The following LMLN variants were observed in gnomAD, a reference collection of about 807,000 sequenced individuals.
The protein encoded by LMLN is leishmanolysin like peptidase.
Under a neutral mutation model 92.3 loss-of-function variants are expected in LMLN, and 70 were observed. The ratio of observed to expected loss-of-function variants is 0.76; its 90% CI spans 0.63 to 0.92. The LOEUF is 0.92. LMLN is among the 40% of genes least tolerant of loss of function. The pLI, the probability that LMLN is intolerant of heterozygous loss-of-function variation, is 0.00. For synonymous variants in LMLN, 308 were observed against 296.2 expected (o/e 1.04, Z -0.41); for missense variants, 691 against 814.6 (o/e 0.85, Z 1.85).
Position 197,970,839 on chromosome 3 carries a change from C to A in LMLN, c.220-3538C>A, listed in dbSNP as rs867342671. Among the ~76,000 whole-genome samples the A allele has an allele frequency of 5.3e-5, 8 of 152,352 alleles. No homozygotes were observed. The South Asian group carries it at 8.3e-4, about 16-fold the overall frequency. ...TGCACAATAGTCTTTCATATCTATT[C>A]ACGTATTTACCATTTCCAATAGCTT... is the stretch of plus-strand genomic sequence containing the variant. On this transcript the variant is annotated intron_variant, in intron 1 of 15. Transcript: ENST00000330198.
intron 14 of LMLN, among the ~76,000 whole-genome samples, chr3:198,029,763 C>CT (rs1013899719): frequency 3.9e-5 from 6 of 152,034 alleles, no homozygotes; most frequent in African/African-American, 1.5e-4. Flanking sequence ...AGAGTCTTCA[C>CT]TTTCAATTCT....
chr3:198,000,611 G>A (rs9325415), intron 11 of LMLN, among the ~76,000 whole-genome samples: 57,278 of 151,776 alleles, frequency 0.38, 15,366 homozygotes, highest in African/African-American at 0.77. Context: ...TATTTTTAGT[G>A]TAGATGGGGT....
intron 14 of LMLN, among the ~76,000 whole-genome samples, chr3:198,030,325 A>G (rs1206689694): frequency 3.3e-5 from 5 of 152,178 alleles, no homozygotes; most frequent in Non-Finnish European, 7.3e-5. Context: ...TTATGGATAA[A>G]TACGTATTCA....
intron 11 of LMLN, among the ~76,000 whole-genome samples, chr3:198,005,589 A>G (rs1722270491): frequency 6.6e-6 from 1 of 151,906 alleles, no homozygotes; most frequent in Non-Finnish European, 1.5e-5. Flanking sequence ...TGTTCAGTAC[A>G]GATGCAACCA....
chr3:197,989,577 C>G (rs756417348), intron 8 of LMLN, among the ~76,000 whole-genome samples: 1 of 152,170 alleles, frequency 6.6e-6, no homozygotes, highest in African/African-American at 2.4e-5. Flanking sequence ...TTATCCTGTA[C>G]ACTTGTCAAA....
intron 10 of LMLN, among the ~76,000 whole-genome samples, chr3:197,998,751 G>A (rs192356105): frequency 6.6e-6 from 1 of 152,270 alleles, no homozygotes; most frequent in Admixed American, 6.5e-5. Context: ...TTGGGTAGAT[G>A]GTAGAGCATG....
intron 14 of LMLN, among the ~76,000 whole-genome samples, chr3:198,029,630 AC>A (rs908599094): frequency 5.3e-5 from 8 of 152,192 alleles, no homozygotes; most frequent in Admixed American, 4.6e-4. Flanking sequence ...CCAAGATCGC[AC>A]CACTGCACTC....
rs1040056881 is a variant in LMLN at position 198,019,952 on chromosome 3, C to A, written c.1365+567C>A. ...CTCAGCTCACTGCAGCCTCCCCTTACCAGATTCAAGCGATTCTTGTGCCTC... is the reference window on the plus strand; with the variant it reads ...CTCAGCTCACTGCAGCCTCCCCTTAACAGATTCAAGCGATTCTTGTGCCTC... On this transcript the variant is annotated intron_variant, in intron 12 of 15. Coordinates refer to ENST00000330198, the Ensembl canonical transcript of LMLN. This position sits in a 1 kb window ranked among gnomAD's most constrained non-coding sequence, Gnocchi z 5.5. Among the ~76,000 whole-genome samples, 2 of 152,266 alleles carry A rather than the reference C, an allele frequency of 1.3e-5. No homozygotes were observed. The highest frequency in any genetic ancestry group is 3.9e-4 in the East Asian group (2 of 5,182).
intron 15 of LMLN, 132 bp downstream of exon 16, chr3:198,036,175 T>C (rs557110937): frequency 1.3e-6 from 1 of 764,192 alleles, no homozygotes; most frequent in Non-Finnish European, 2.1e-6. Flanking sequence ...TGCATTTTTA[T>C]GGGAAGTTCC....
intron 14 of LMLN, among the ~76,000 whole-genome samples, chr3:198,026,244 C>T (rs1205089883): frequency 1.3e-5 from 2 of 152,130 alleles, no homozygotes; most frequent in Non-Finnish European, 2.9e-5. Context: ...ACATGAGCCA[C>T]TTTGCCTGAC....
At chr3:197,972,232 T>C (rs1721249883) in intron 1 of LMLN, among the ~76,000 whole-genome samples, 1 of 151,824 alleles carries the variant, frequency 6.6e-6, no homozygotes, top group Admixed American at 6.6e-5. Context: ...CCTGGCTAAT[T>C]TTTGTATTTT....
intron 11 of LMLN, among the ~76,000 whole-genome samples, chr3:198,006,358 A>G (rs80129270): frequency 0.07 from 10,650 of 152,208 alleles, 461 homozygotes; most frequent in African/African-American, 0.11. Context: ...TTGGGCTATT[A>G]TGAATGAAGT....
chr3:197,967,879 A>G (rs1721103751), intron 1 of LMLN, among the ~76,000 whole-genome samples: 1 of 152,162 alleles, frequency 6.6e-6, no homozygotes, highest in Admixed American at 6.5e-5. Flanking sequence ...GAATTTAGCG[A>G]TATCTTCCCT....
At chr3:198,038,795 TGAC>T in exon 16 of LMLN, 1 of 729,370 alleles carries the variant, frequency 1.4e-6, no homozygotes, top group Non-Finnish European at 2.4e-6. Flanking sequence ...TTGGAAGAAT[TGAC>T]GACCATCAGA....
chr3:197,979,888 G>A (rs1193289845), intron 5 of LMLN, among the ~76,000 whole-genome samples: 1 of 152,044 alleles, frequency 6.6e-6, no homozygotes, highest in African/African-American at 2.4e-5. Context: ...GATGTGGATT[G>A]CATTATAATA....
chr3:197,974,706 A>T (rs1721320045), intron 2 of LMLN, among the ~76,000 whole-genome samples: 1 of 152,246 alleles, frequency 6.6e-6, no homozygotes. Flanking sequence ...CTGGTCAATC[A>T]TGAATAATTT....
At chr3:197,961,609 C>T (rs1392458775) in intron 1 of LMLN, among the ~76,000 whole-genome samples, 1 of 152,128 alleles carries the variant, frequency 6.6e-6, no homozygotes, top group African/African-American at 2.4e-5. Context: ...TAATACGTTT[C>T]GCTAGTTCCT....
intron 11 of LMLN, among the ~76,000 whole-genome samples, chr3:198,014,740 A>C (rs1406894781): frequency 1.9e-4 from 26 of 137,612 alleles, no homozygotes; most frequent in African/African-American, 7.1e-4. Flanking sequence ...GAGCCCCCTA[A>C]CTAGTCTGAC....
intron 11 of LMLN, among the ~76,000 whole-genome samples, chr3:198,017,971 CAT>C (rs1722685349): frequency 6.6e-6 from 1 of 152,170 alleles, no homozygotes; most frequent in Non-Finnish European, 1.5e-5. Context: ...AAGTGACATA[CAT>C]GATTAGTGGC....
Sources: gnomAD v4.1 joint callset for allele counts (sites outside exome capture counted in the v4.1 genomes callset) on GRCh38, gnomAD v4.1.1 for gene constraint, Gnocchi (gnomAD v3.1) non-coding constraint, MANE v1.5 for transcripts, NCBI Gene and HGNC (gene_info 2026-07-23, HGNC 2026-07-21) for gene names.